Variants in ARL15 observed in about 807,000 individuals in gnomAD.
The protein encoded by ARL15 is ARF like GTPase 15.
Under a neutral mutation model 25.2 loss-of-function variants are expected in ARL15, and 19 were observed. The observed-to-expected ratio is 0.75, with a 90% CI of 0.53 to 1.10. The LOEUF (loss-of-function observed/expected upper bound fraction) is 1.10, where lower values mean the gene tolerates loss of function less well. ARL15 is among the 50% of genes least tolerant of loss of function. The pLI is 0.00. For synonymous variants in ARL15, 94 were observed against 86.8 expected, an observed-to-expected ratio of 1.08 and a Z score of -0.46; for missense variants, 220 against 246.0, an observed-to-expected ratio of 0.89 and a Z score of 0.71.
intron 4 of ARL15, among the ~76,000 whole-genome samples, chr5:54,018,989 G>A (rs1014897110): frequency 2.6e-5 from 4 of 151,968 alleles, no homozygotes; most frequent in African/African-American, 4.8e-5. Flanking sequence ...GATTCTTTAC[G>A]AATTTGGTAC....
intron 4 of ARL15, among the ~76,000 whole-genome samples, chr5:54,007,044 C>T (rs995569944): frequency 4.0e-5 from 6 of 151,796 alleles, no homozygotes; most frequent in Non-Finnish European, 8.8e-5. Context: ...AACTCCGTTT[C>T]AAAAAAATAA....
rs752034800 is a variant in ARL15 at position 54,090,697 on chromosome 5, A to G, written c.462+22505T>C. Among the ~76,000 whole-genome samples, 30 of 152,132 alleles carry G rather than the reference A, an allele frequency of 2.0e-4. 1 individual carries two copies. Among genetic ancestry groups the G allele is most frequent in the Non-Finnish European group, 3.8e-4 (26 of 68,014 alleles). On this transcript the variant is annotated intron_variant, in intron 4 of 4. Transcript: ENST00000504924. ...AAGAAAGGGAAAGAAGGAAAGGAGG[A>G]GGGAGAGAGGAGGATAGGAAAAGGA...
At chr5:53,927,789 T>C (rs778890086) in intron 4 of ARL15, among the ~76,000 whole-genome samples, 10 of 152,076 alleles carry the variant, frequency 6.6e-5, no homozygotes, top group Non-Finnish European at 1.2e-4. Context: ...AAATGTATGA[T>C]TTGAAAGAGG....
At chr5:54,038,867 G>T (rs1272858753) in intron 4 of ARL15, among the ~76,000 whole-genome samples, 1 of 152,048 alleles carries the variant, frequency 6.6e-6, no homozygotes, top group Admixed American at 6.6e-5. Context: ...GAAAATCAAA[G>T]ACTTTCATTA....
At chr5:54,151,283 C>T (rs948397126) in intron 3 of ARL15, among the ~76,000 whole-genome samples, 1 of 152,048 alleles carries the variant, frequency 6.6e-6, no homozygotes, top group South Asian at 2.1e-4. Context: ...TAGAAATGGC[C>T]CACCAAACCA....
intron 3 of ARL15, among the ~76,000 whole-genome samples, chr5:54,124,302 CA>C (rs1283721140): frequency 6.6e-6 from 1 of 152,162 alleles, no homozygotes; most frequent in Non-Finnish European, 1.5e-5. Flanking sequence ...AGTTATAGGG[CA>C]GCACATATAA....
intron 4 of ARL15, among the ~76,000 whole-genome samples, chr5:54,073,835 G>T (rs1356925695): frequency 6.6e-6 from 1 of 152,192 alleles, no homozygotes; most frequent in Non-Finnish European, 1.5e-5. Context: ...AGCCAGGTGG[G>T]AATGTAGCAG....
intron 4 of ARL15, among the ~76,000 whole-genome samples, chr5:54,066,273 G>A (rs892989486): frequency 2.0e-5 from 3 of 152,078 alleles, no homozygotes; most frequent in Non-Finnish European, 2.9e-5. Context: ...AAGAATTCAC[G>A]AGCGACATAG....
intron 1 of ARL15, among the ~76,000 whole-genome samples, chr5:54,188,192 A>G (rs533847218): frequency 6.6e-6 from 1 of 152,342 alleles, no homozygotes; most frequent in East Asian, 1.9e-4. Flanking sequence ...AAATAAATAA[A>G]GGTCCTTGGC....
chr5:54,212,951 T>A (rs528121131), intron 1 of ARL15, among the ~76,000 whole-genome samples: 1 of 152,314 alleles, frequency 6.6e-6, no homozygotes, highest in African/African-American at 2.4e-5. Context: ...AAAATAAAGT[T>A]GTTAAATTAG....
At chr5:54,179,229 A>G (rs1754976162) in intron 1 of ARL15, among the ~76,000 whole-genome samples, 1 of 152,148 alleles carries the variant, frequency 6.6e-6, no homozygotes, top group African/African-American at 2.4e-5. Flanking sequence ...AGAGATAAGA[A>G]AATGTACCCG....
At chr5:53,907,649 C>T (rs1745315682) in intron 4 of ARL15, among the ~76,000 whole-genome samples, 1 of 150,858 alleles carries the variant, frequency 6.6e-6, no homozygotes, top group African/African-American at 2.4e-5. Flanking sequence ...AGGCGCCCTC[C>T]ACCATGCCCT....
chr5:54,059,719 T>C (rs1751004580), intron 4 of ARL15, among the ~76,000 whole-genome samples: 1 of 152,204 alleles, frequency 6.6e-6, no homozygotes, highest in Non-Finnish European at 1.5e-5. Flanking sequence ...CTTTTGAGAA[T>C]AAATTATTCT....
chr5:54,287,712 G>C (rs1367174155), intron 1 of ARL15, among the ~76,000 whole-genome samples: 2 of 152,044 alleles, frequency 1.3e-5, no homozygotes, highest in African/African-American at 4.8e-5. Context: ...CTAACTCCCT[G>C]CCAAAGGAAT....
rs3035310 is a variant in ARL15, at chr5:54,221,825, G to GCACACA, written c.49-49903_49-49898dup. Among the ~76,000 whole-genome samples the GCACACA allele has an allele frequency of 4.7e-3, 670 of 142,114 alleles. 3 individuals are homozygous for GCACACA. The highest frequency in any genetic ancestry group is 5.8e-3 in the Non-Finnish European group (376 of 64,878). The allele number at this position is 142,114 out of a possible 152,430, so 93.2% of individuals were successfully genotyped here. On this transcript the variant is annotated intron_variant, in intron 1 of 4. Coordinates refer to ENST00000504924, the MANE Select transcript of ARL15 (RefSeq NM_019087.3). ...TTTTAGGTTATTTGGCAAGAAACAT[G>GCACACA]CACACACACACACACACACACACAC...
intron 4 of ARL15, among the ~76,000 whole-genome samples, chr5:54,004,124 G>A (rs2111738963): frequency 6.6e-6 from 1 of 152,202 alleles, no homozygotes; most frequent in East Asian, 1.9e-4. Flanking sequence ...GAAGAACTTT[G>A]CTTAATACTG....
intron 1 of ARL15, among the ~76,000 whole-genome samples, chr5:54,220,418 G>A (rs186085807): frequency 6.6e-6 from 1 of 152,210 alleles, no homozygotes; most frequent in African/African-American, 2.4e-5. Flanking sequence ...TCTAAGTGGA[G>A]TCAGCTACTG....
chr5:53,913,884 C>T (rs868023871), intron 4 of ARL15, among the ~76,000 whole-genome samples: 16 of 152,194 alleles, frequency 1.1e-4, no homozygotes, highest in East Asian at 1.9e-4. Flanking sequence ...CAAGTATTCA[C>T]GCTATCTTGA....
chr5:54,206,684 T>A (rs539671378), intron 1 of ARL15, among the ~76,000 whole-genome samples: 1 of 152,256 alleles, frequency 6.6e-6, no homozygotes, highest in Non-Finnish European at 1.5e-5. Context: ...TATATTTGTG[T>A]AAGCCCAGAG....
Sources: gnomAD v4.1 joint callset for allele counts (sites outside exome capture counted in the v4.1 genomes callset) on GRCh38, gnomAD v4.1.1 for gene constraint, MANE v1.5 for transcripts, NCBI Gene and HGNC (gene_info 2026-07-23, HGNC 2026-07-21) for gene names.